The following SLIT3 variants were observed in gnomAD, a reference collection of about 807,000 sequenced individuals.
SLIT3 encodes the protein slit guidance ligand 3.
In SLIT3, 68 loss-of-function variants were observed where a neutral mutation model predicts 184.0. The observed-to-expected ratio is 0.37, with a 90% CI of 0.30 to 0.45. SLIT3 has a LOEUF of 0.45. SLIT3 is among the 20% of genes least tolerant of loss of function. The pLI, the probability that SLIT3 is intolerant of heterozygous loss-of-function variation, is 1.00. For synonymous variants in SLIT3, 831 were observed against 828.6 expected, an observed-to-expected ratio of 1.00 and a Z score of -0.05; for missense variants, 1,707 against 2,026.0, an observed-to-expected ratio of 0.84 and a Z score of 3.02.
At chr5:169,189,158 C>T (rs1763457792) in intron 4 of SLIT3, among the ~76,000 whole-genome samples, 1 of 152,086 alleles carries the variant, frequency 6.6e-6, no homozygotes, top group African/African-American at 2.4e-5. Flanking sequence ...ACAGACACCC[C>T]ACTAATACAC....
At chr5:169,100,959 C>T (rs1759987653) in intron 4 of SLIT3, among the ~76,000 whole-genome samples, 1 of 152,198 alleles carries the variant, frequency 6.6e-6, no homozygotes, top group Admixed American at 6.5e-5. Flanking sequence ...ATAAGTAGCC[C>T]AGCATGGGAG....
intron 4 of SLIT3, among the ~76,000 whole-genome samples, chr5:169,001,742 A>G (rs1344903804): frequency 1.3e-5 from 2 of 152,124 alleles, no homozygotes; most frequent in Non-Finnish European, 2.9e-5. Flanking sequence ...TCTCAAACTA[A>G]TCCCATTTTT....
chr5:169,280,234 C>T (rs899613044), intron 1 of SLIT3, among the ~76,000 whole-genome samples: 1 of 152,210 alleles, frequency 6.6e-6, no homozygotes, highest in African/African-American at 2.4e-5. Context: ...CAAGGAGGTG[C>T]TATCAAAGCA....
chr5:168,960,006 G>C lies in SLIT3; in HGVS notation c.414-76670C>G, dbSNP rs189865127. Among the ~76,000 whole-genome samples the C allele has an allele frequency of 1.6e-3, 245 of 152,328 alleles. 3 individuals carry two copies. Among genetic ancestry groups the C allele is most frequent in the Admixed American group, 0.014 (213 of 15,308 alleles). ...GGCACAGCAGTAAGAGGCAGAGCCA[G>C]GAATCAGTCATGGGCAGGCAGGCTC... On this transcript the variant is annotated intron_variant, in intron 4 of 35. Transcript: ENST00000519560.
intron 2 of SLIT3, among the ~76,000 whole-genome samples, chr5:169,249,305 G>C (rs542922543): frequency 6.6e-6 from 1 of 152,114 alleles, no homozygotes; most frequent in Non-Finnish European, 1.5e-5. Context: ...TGGGGGATGG[G>C]GGGTAGGGGA....
chr5:168,805,502 A>G (rs1182729027), intron 9 of SLIT3, among the ~76,000 whole-genome samples: 1 of 152,200 alleles, frequency 6.6e-6, no homozygotes, highest in Admixed American at 6.5e-5. Context: ...CAAAAAAATG[A>G]AAACAACTGT....
In SLIT3 at chr5:168,844,637, G is replaced by A. The variant is rs185324003; in HGVS notation, c.504C>T (p.His168=). ...AGGCTCCATCTTCAATGCAGCTGAT[G>A]TGGTTGTTGTCCAGTTGCCTGTGGA... ...DVKNLQLDNN[H]ISCIEDGAFR... The change falls in exon 6 of 36, where the codon CAC becomes CAT. Residue 168 remains histidine, a synonymous_variant. Coordinates refer to ENST00000519560, the MANE Select transcript of SLIT3 (RefSeq NM_003062.4). 12 of 1,614,206 alleles carry A rather than the reference G, an allele frequency of 7.4e-6. No individual in the cohort carries two copies. Among genetic ancestry groups the A allele is most frequent in the Admixed American group, 3.3e-5 (2 of 60,034 alleles).
intron 3 of SLIT3, among the ~76,000 whole-genome samples, chr5:169,218,839 T>C (rs1289193817): frequency 6.6e-6 from 1 of 152,160 alleles, no homozygotes; most frequent in African/African-American, 2.4e-5. Context: ...GAGTACTCTT[T>C]AGGTAATGAG....
intron 5 of SLIT3, among the ~76,000 whole-genome samples, chr5:168,874,168 T>TA (rs5873129): frequency 0.2 from 30,820 of 151,116 alleles, 4,235 homozygotes; most frequent in African/African-American, 0.39. Context: ...TGTAATGAGT[T>TA]AAAAAAAAAA....
intron 5 of SLIT3, among the ~76,000 whole-genome samples, chr5:168,862,961 C>T (rs546847330): frequency 1.3e-5 from 2 of 152,324 alleles, no homozygotes; most frequent in South Asian, 2.1e-4. Context: ...AGGCATGAGC[C>T]GCTGCGCCCA....
rs533582632 is a variant in SLIT3 at position 169,026,041 on chromosome 5, C to T, written c.414-142705G>A. 5.3e-5 allele frequency among the ~76,000 whole-genome samples: 8 copies of T among 152,264 alleles called. No homozygotes were observed. In the South Asian group the frequency reaches 1.7e-3, roughly 32 times the overall value. On this transcript the variant is annotated intron_variant, in intron 4 of 35. Transcript: ENST00000519560. Reference sequence around the variant, plus strand: ...CATGCTCTTGCTGGCATCCATTAGCCTTTGACTCTGGGTTTATTAACTGTC... The same window carrying T: ...CATGCTCTTGCTGGCATCCATTAGCTTTTGACTCTGGGTTTATTAACTGTC...
intron 4 of SLIT3, among the ~76,000 whole-genome samples, chr5:168,898,777 C>CT (rs960803803): frequency 6.6e-6 from 1 of 152,066 alleles, no homozygotes; most frequent in African/African-American, 2.4e-5. Context: ...TCTAATCCTT[C>CT]TTATCAACTT....
chr5:169,057,905 G>A (rs1366072117), intron 4 of SLIT3, among the ~76,000 whole-genome samples: 1 of 152,208 alleles, frequency 6.6e-6, no homozygotes, highest in Non-Finnish European at 1.5e-5. Context: ...TTTCTTTTAT[G>A]GGGAAGGTGT....
At chr5:169,092,321 G>T (rs1759622632) in intron 4 of SLIT3, among the ~76,000 whole-genome samples, 1 of 152,200 alleles carries the variant, frequency 6.6e-6, no homozygotes, top group African/African-American at 2.4e-5. Flanking sequence ...AGGGACCAAG[G>T]ATGGTGAGTA....
At chr5:169,015,763 C>T (rs1352065734) in intron 4 of SLIT3, among the ~76,000 whole-genome samples, 1 of 151,818 alleles carries the variant, frequency 6.6e-6, no homozygotes, top group Non-Finnish European at 1.5e-5. Context: ...AAACAAAACA[C>T]AGCAAAAACA....
chr5:169,211,988 T>C (rs1426487612), intron 3 of SLIT3, among the ~76,000 whole-genome samples: 1 of 152,028 alleles, frequency 6.6e-6, no homozygotes, highest in African/African-American at 2.4e-5. Context: ...CTGCATAGTA[T>C]TCCATGGTGT....
At chr5:169,297,278 G>A (rs1428647440) in intron 1 of SLIT3, among the ~76,000 whole-genome samples, 1 of 152,166 alleles carries the variant, frequency 6.6e-6, no homozygotes, top group Admixed American at 6.5e-5. Flanking sequence ...TTTTCTGCGT[G>A]ATGTTCTGAC....
intron 28 of SLIT3, among the ~76,000 whole-genome samples, chr5:168,695,880 T>G (rs1762049166): frequency 6.6e-6 from 1 of 152,180 alleles, no homozygotes; most frequent in South Asian, 2.1e-4. Flanking sequence ...TCTTGGTCAT[T>G]TTTGTATCCC....
intron 8 of SLIT3, among the ~76,000 whole-genome samples, chr5:168,807,566 A>T (rs1452755549): frequency 6.6e-6 from 1 of 152,096 alleles, no homozygotes. Context: ...CTGCTGCTGG[A>T]TCCAGCTAAC....
Sources: allele counts gnomAD v4.1 joint callset (sites outside exome capture counted in the v4.1 genomes callset), GRCh38; gene constraint gnomAD v4.1.1; transcripts MANE v1.5; gene names NCBI Gene and HGNC (gene_info 2026-07-23, HGNC 2026-07-21).